PCDHGB7: variants seen among roughly 807,000 people sequenced by gnomAD.
PCDHGB7 encodes the protein protocadherin gamma subfamily B, 7, also known as protocadherin gamma-B7.
A neutral mutation model predicts 61.4 loss-of-function variants in PCDHGB7; 37 were observed. That is an observed-to-expected ratio of 0.60 (90% CI 0.46 to 0.79). The LOEUF (loss-of-function observed/expected upper bound fraction) is 0.79, where lower values mean the gene tolerates loss of function less well. PCDHGB7 is among the 30% of genes least tolerant of loss of function. The pLI, the probability that PCDHGB7 is intolerant of heterozygous loss-of-function variation, is 0.00. For synonymous variants in PCDHGB7, 464 were observed against 503.5 expected (o/e 0.92, Z 1.05); for missense variants, 1,166 against 1,202.5 (o/e 0.97, Z 0.45).
rs2099745754 is a variant in PCDHGB7 at position 141,493,023 on chromosome 5, T to A, written c.2416-1784T>A. Among the ~76,000 whole-genome samples the A allele has an allele frequency of 6.6e-6, 1 of 152,190 alleles. No individual in the cohort carries two copies. The highest frequency in any genetic ancestry group is 2.4e-5 in the African/African-American group (1 of 41,450). On this transcript the variant is annotated intron_variant, in intron 1 of 3. Coordinates refer to ENST00000398594, the MANE Select transcript of PCDHGB7 (RefSeq NM_018927.4). The surrounding 1 kb of genome is among the most constrained non-coding windows in gnomAD (Gnocchi z 4.3). ...CTATAGGCTCTGCCAGATGCCAGGGTGCCCTTATGTGTGAGGAAACTACAA... is the reference window on the plus strand; with the variant it reads ...CTATAGGCTCTGCCAGATGCCAGGGAGCCCTTATGTGTGAGGAAACTACAA...
chr5:141,450,470 A>AGTTT (rs199699353), intron 1 of PCDHGB7, among the ~76,000 whole-genome samples: 2,037 of 151,800 alleles, frequency 0.013, 39 homozygotes, highest in African/African-American at 0.044. Flanking sequence ...TTATATATAG[A>AGTTT]GTTTGTTTGT....
In PCDHGB7 at chr5:141,476,255, G is replaced by A. The variant is rs767691159; in HGVS notation, c.2416-18552G>A. 6.2e-7 allele frequency: 1 copy of A among 1,614,090 alleles called. No individual in the cohort carries two copies. Among genetic ancestry groups the A allele is most frequent in the Admixed American group, 1.7e-5 (1 of 60,022 alleles). ...GGAGGAAAGAGAGAAGGGTTTCGCT[G>A]TGGGCAACGTGGTCGCGAACCTTGG... On this transcript the variant is annotated intron_variant, in intron 1 of 3. Transcript: ENST00000398594. The surrounding 1 kb of genome is among the most constrained non-coding windows in gnomAD (Gnocchi z 7.6).
At chr5:141,484,966 G>A in intron 1 of PCDHGB7, 1 of 583,968 alleles carries the variant, frequency 1.7e-6, no homozygotes. Context: ...GAGCCCGGGA[G>A]CCGCTGTCTG....
At chr5:141,478,045 T>C in intron 1 of PCDHGB7, 3 of 1,614,144 alleles carry the variant, frequency 1.9e-6, no homozygotes, top group East Asian at 2.2e-5. Flanking sequence ...CCAGGCAGAC[T>C]CTCACGGTCT....
chr5:141,455,795 C>T (rs1251703490), intron 1 of PCDHGB7, among the ~76,000 whole-genome samples: 1 of 151,960 alleles, frequency 6.6e-6, no homozygotes, highest in African/African-American at 2.4e-5. Flanking sequence ...TCCGGAGATG[C>T]TTTAAAAAAT....
At chr5:141,441,680 C>T in intron 1 of PCDHGB7, 1 of 295,840 alleles carries the variant, frequency 3.4e-6, no homozygotes, top group South Asian at 2.8e-5. Context: ...GCGCCTTCGA[C>T]CAAGAGCAGC....
At position 141,418,595 on chromosome 5, in the gene PCDHGB7, G is replaced by GT. The variant is rs2096273873; in HGVS notation, c.737dup (p.Tyr247ValfsTer4). On this transcript the variant is annotated frameshift_variant, in exon 1 of 4. Coordinates refer to ENST00000398594, the MANE Select transcript of PCDHGB7 (RefSeq NM_018927.4). LOFTEE classifies it high-confidence loss of function. Reference sequence around the variant, plus strand: ...CAACCCCCCAGTGTTCAGCCAGGACGTGTACAGGGTTAGCCTTCGGGAAGA... The same window carrying GT: ...CAACCCCCCAGTGTTCAGCCAGGACGTTGTACAGGGTTAGCCTTCGGGAAGA... 6.2e-7 allele frequency: 1 copy of GT among 1,613,928 alleles called. No homozygotes were observed. The highest frequency in any genetic ancestry group is 1.3e-5 in the African/African-American group (1 of 74,940).
At chr5:141,436,676 G>T (rs1019010328) in intron 1 of PCDHGB7, among the ~76,000 whole-genome samples, 1 of 152,238 alleles carries the variant, frequency 6.6e-6, no homozygotes, top group African/African-American at 2.4e-5. Flanking sequence ...ACCAAAAAAA[G>T]GATTTATATT....
chr5:141,431,356 C>T lies in PCDHGB7; in HGVS notation c.2415+11082C>T. ...ACCCCGAATTGGTGCTGAAACGCGC[C>T]CTGGACCGCGAAGAAAAGGCTGCTC... On this transcript the variant is annotated intron_variant, in intron 1 of 3. Transcript: ENST00000398594. This position sits in a 1 kb window ranked among gnomAD's most constrained non-coding sequence, Gnocchi z 4.8. 6.2e-7 allele frequency: 1 copy of T among 1,614,004 alleles called. No individual in the cohort carries two copies. The highest frequency in any genetic ancestry group is 8.5e-7 in the Non-Finnish European group (1 of 1,180,026).
At chr5:141,471,302 C>T (rs111827070) in intron 1 of PCDHGB7, 9,302 of 152,168 alleles carry the variant, frequency 0.061, 339 homozygotes, top group South Asian at 0.12. Flanking sequence ...CCACCCAACT[C>T]GGCCTCCCAA....
At chr5:141,427,198 T>G (rs1345851173) in intron 1 of PCDHGB7, 1 of 456,584 alleles carries the variant, frequency 2.2e-6, no homozygotes, top group African/African-American at 2.0e-5. Flanking sequence ...AAAGACTTAA[T>G]AGACTTCGAA....
chr5:141,487,040 C>T lies in PCDHGB7; in HGVS notation c.2416-7767C>T, dbSNP rs374574042. The T allele has an allele frequency of 3.7e-6, 6 of 1,614,136 alleles. No homozygotes were observed. Among genetic ancestry groups the T allele is most frequent in the South Asian group, 1.1e-5 (1 of 91,082 alleles). On this transcript the variant is annotated intron_variant, in intron 1 of 3. Transcript: ENST00000398594. This position sits in a 1 kb window ranked among gnomAD's most constrained non-coding sequence, Gnocchi z 5.0. Reference sequence around the variant, plus strand: ...AGATCCCAGCCTGTTTGCAGTCTCTCGATATGCTGGGGAGGTGCGGACGGC... The same window carrying T: ...AGATCCCAGCCTGTTTGCAGTCTCTTGATATGCTGGGGAGGTGCGGACGGC...
intron 1 of PCDHGB7, among the ~76,000 whole-genome samples, chr5:141,488,802 A>G (rs910422824): frequency 2.0e-5 from 3 of 152,294 alleles, no homozygotes; most frequent in Middle Eastern, 3.4e-3. Flanking sequence ...CCTGTTGAGT[A>G]CCATCTGAGC....
intron 1 of PCDHGB7, chr5:141,421,105 G>A: frequency 1.4e-6 from 1 of 700,910 alleles, no homozygotes; most frequent in Non-Finnish European, 2.3e-6. Context: ...TGGAGACTTA[G>A]AAGTATTTTC....
In PCDHGB7 at chr5:141,431,985, T is replaced by A. The variant is rs1354693325; in HGVS notation, c.2415+11711T>A. 1 of 1,614,202 alleles carries A rather than the reference T, an allele frequency of 6.2e-7. No homozygotes were observed. The highest frequency in any genetic ancestry group is 1.7e-5 in the Admixed American group (1 of 60,030). ...TACTATAGTTTAGTCACAGACATAG[T>A]CTTGGATAGGGAACAGGTTCCTAGC... On this transcript the variant is annotated intron_variant, in intron 1 of 3. Coordinates refer to ENST00000398594, the MANE Select transcript of PCDHGB7 (RefSeq NM_018927.4). This position sits in a 1 kb window ranked among gnomAD's most constrained non-coding sequence, Gnocchi z 4.8.
intron 2 of PCDHGB7, among the ~76,000 whole-genome samples, chr5:141,495,623 C>T (rs990126072): frequency 3.3e-5 from 5 of 152,208 alleles, no homozygotes; most frequent in South Asian, 2.1e-4. Context: ...GCACCTCAGC[C>T]TCAGTCCCTT....
rs979093310 is a variant in PCDHGB7 at position 141,486,621 on chromosome 5, A to G, written c.2416-8186A>G. On this transcript the variant is annotated intron_variant, in intron 1 of 3. Transcript: ENST00000398594. This position sits in a 1 kb window ranked among gnomAD's most constrained non-coding sequence, Gnocchi z 5.0. The stretch of plus-strand genomic sequence containing the variant: ...TGCTCCCTTGCAGCCTCTGACCCAG[A>G]CTCTGGCTTGAATGCGCTTATCTCC... 6.2e-7 allele frequency: 1 copy of G among 1,613,388 alleles called. No individual in the cohort carries two copies. The highest frequency in any genetic ancestry group is 1.3e-5 in the African/African-American group (1 of 74,960).
At chr5:141,421,827 C>A in intron 1 of PCDHGB7, 1 of 1,613,802 alleles carries the variant, frequency 6.2e-7, no homozygotes, top group Non-Finnish European at 8.5e-7. Flanking sequence ...TGGAGGGAAG[C>A]CTGGACCGAG....
In PCDHGB7 at chr5:141,475,307, T is replaced by C. The variant is rs527879991; in HGVS notation, c.2416-19500T>C. The stretch of plus-strand genomic sequence containing the variant: ...GGTAGGGAAATTTCTTATTGCTCCC[T>C]GGTTCTTAAGAAATGAGAGCTAACA... On this transcript the variant is annotated intron_variant, in intron 1 of 3. Transcript: ENST00000398594. 2.8e-4 allele frequency among the ~76,000 whole-genome samples: 43 copies of C among 152,348 alleles called. 1 individual carries two copies. Among genetic ancestry groups the C allele is most frequent in the Admixed American group, 8.5e-4 (13 of 15,298 alleles).
Sources: allele counts gnomAD v4.1 joint callset (sites outside exome capture counted in the v4.1 genomes callset), GRCh38; gene constraint gnomAD v4.1.1; non-coding constraint Gnocchi (gnomAD v3.1); transcripts MANE v1.5; gene names NCBI Gene and HGNC (gene_info 2026-07-23, HGNC 2026-07-21).